The following LRRTM1 variants were observed in gnomAD, a reference collection of about 807,000 sequenced individuals.
LRRTM1 encodes leucine-rich repeat transmembrane neuronal protein 1.
Under a neutral mutation model 37.3 loss-of-function variants are expected in LRRTM1, and 8 were observed. That is an observed-to-expected ratio of 0.21 (90% confidence interval 0.13 to 0.39). The LOEUF (loss-of-function observed/expected upper bound fraction) is 0.39. Among genes scored for constraint, LRRTM1 ranks in the 10% least tolerant of loss-of-function variants. The pLI, the probability that LRRTM1 is intolerant of heterozygous loss-of-function variation, is 1.00. For synonymous variants in LRRTM1, 326 were observed against 316.8 expected (o/e 1.03, Z -0.31); for missense variants, 557 against 691.0 (o/e 0.81, Z 2.17).
At position 80,302,225 on chromosome 2, in the gene LRRTM1, G is replaced by A. The variant is rs774272630; in HGVS notation, c.*26C>T. 26 of 1,599,560 alleles carry A rather than the reference G, an allele frequency of 1.6e-5. No individual in the cohort carries two copies. In the East Asian group the frequency reaches 3.1e-4, roughly 19 times the overall value. On this transcript the variant is annotated 3_prime_UTR_variant, in exon 2 of 2. Coordinates refer to ENST00000295057, the MANE Select transcript of LRRTM1 (RefSeq NM_178839.5). The surrounding 1 kb of genome is among the most constrained non-coding windows in gnomAD (Gnocchi z 6.4). ...CGGCTGCCCAGGCGTATTTGGTAGC[G>A]CATGGGTTGAGAGCCACTGGGACAA...
chr2:80,294,880 T>C (rs967662283), intron 2 of LRRTM1, among the ~76,000 whole-genome samples: 10 of 152,220 alleles, frequency 6.6e-5, no homozygotes, highest in African/African-American at 1.7e-4. Flanking sequence ...CAACATTACA[T>C]TGAGAACAGA....
In LRRTM1 at chr2:80,304,209, A is replaced by C; in HGVS notation, c.-117T>G. The C allele has an allele frequency of 6.0e-6, 1 of 166,248 alleles. No homozygotes were observed. The allele number at this position is 166,248 out of a possible 1,614,324, so 10.3% of individuals were successfully genotyped here. A position where few individuals can be genotyped will look rare whatever the true frequency, so the allele number is the denominator to read the frequency against. On this transcript the variant is annotated 5_prime_UTR_variant, in exon 1 of 2. Coordinates refer to ENST00000295057, the MANE Select transcript of LRRTM1 (RefSeq NM_178839.5). Reference sequence around the variant, plus strand: ...TGCTCCCTTTGTGTGCAGGCTAATTATATGCAGGGCGAGAGAAGACCCCTC... The same window carrying C: ...TGCTCCCTTTGTGTGCAGGCTAATTCTATGCAGGGCGAGAGAAGACCCCTC...
chr2:80,302,991 C>G lies in LRRTM1; in HGVS notation c.829G>C (p.Glu277Gln). Reference protein sequence around the residue: ...EIEYMEPHVFETVPHLQSLQL... With the variant: ...EIEYMEPHVFQTVPHLQSLQL... Reference sequence around the variant, plus strand: ...AGGGACTGCAGGTGCGGCACGGTCTCGAACACATGGGGCTCCATGTACTCG... The same window carrying G: ...AGGGACTGCAGGTGCGGCACGGTCTGGAACACATGGGGCTCCATGTACTCG... Residue 277 changes from glutamate (E) to glutamine (Q), a missense_variant, in exon 2 of 2, where the codon GAG (glutamate) becomes CAG (glutamine). By Grantham distance (29) the Glu-to-Gln change is conservative. Transcript: ENST00000295057. The surrounding 1 kb of genome is among the most constrained non-coding windows in gnomAD (Gnocchi z 6.4). 3 of 1,613,274 alleles carry G rather than the reference C, an allele frequency of 1.9e-6. No homozygotes were observed. The highest frequency in any genetic ancestry group is 2.2e-5 in the South Asian group (2 of 91,022).
chr2:80,303,034 G>A lies in LRRTM1; in HGVS notation c.786C>T (p.Asp262=). The A allele has an allele frequency of 1.2e-6, 2 of 1,613,842 alleles. No homozygotes were observed. Among genetic ancestry groups the A allele is most frequent in the South Asian group, 1.1e-5 (1 of 91,062 alleles). The part of the protein sequence containing the change: ...LDWVWNLEKM[D]LSGNEIEYME... ...TGTACTCGATCTCGTTGCCCGACAA[G>A]TCCATTTTCTCCAGGTTCCAAACCC... Residue 262 remains aspartate, a synonymous_variant, in exon 2 of 2, where the codon GAC becomes GAT. Transcript: ENST00000295057. This position sits in a 1 kb window ranked among gnomAD's most constrained non-coding sequence, Gnocchi z 7.7.
At chr2:80,295,291 C>T (rs930106021) in intron 2 of LRRTM1, among the ~76,000 whole-genome samples, 10 of 151,468 alleles carry the variant, frequency 6.6e-5, no homozygotes, top group African/African-American at 1.7e-4. Flanking sequence ...GTCTCATGTG[C>T]GGGTGAGTGT....
downstream of LRRTM1, among the ~76,000 whole-genome samples, chr2:80,297,072 A>T (rs1558978720): frequency 6.6e-6 from 1 of 152,216 alleles, no homozygotes; most frequent in Non-Finnish European, 1.5e-5. Context: ...ACCCCGGAGA[A>T]GTCTCCTCTA....
At chr2:80,295,624 A>G (rs776652552) in intron 2 of LRRTM1, among the ~76,000 whole-genome samples, 78 of 152,200 alleles carry the variant, frequency 5.1e-4, no homozygotes, top group Admixed American at 1.4e-3. Context: ...GAAGCCCCAA[A>G]CTGGAAAGGT....
At chr2:80,297,440 C>G (rs1288057169), downstream of LRRTM1, among the ~76,000 whole-genome samples, 1 of 152,158 alleles carries the variant, frequency 6.6e-6, no homozygotes, top group Non-Finnish European at 1.5e-5. Flanking sequence ...GATAAAGGCA[C>G]CATACCAGCG....
downstream of LRRTM1, among the ~76,000 whole-genome samples, chr2:80,300,351 G>A (rs183433707): frequency 3.4e-5 from 5 of 146,820 alleles, no homozygotes; most frequent in East Asian, 1.0e-3. Flanking sequence ...TGTCTCCCAG[G>A]GCTTAACATC....
At chr2:80,290,845 A>G (rs1675177273) in intron 2 of LRRTM1, among the ~76,000 whole-genome samples, 1 of 152,156 alleles carries the variant, frequency 6.6e-6, no homozygotes, top group Non-Finnish European at 1.5e-5. Context: ...AGGGAAAGAA[A>G]AAATGAAGGG....
Position 80,288,903 on chromosome 2 carries a change from T to C in LRRTM1, c.*599A>G, listed in dbSNP as rs545484624. On this transcript the variant is annotated 3_prime_UTR_variant and NMD_transcript_variant, in exon 3 of 3. Coordinates refer to the LRRTM1 transcript ENST00000417012. ...TCGCTGCTGAATGTGTTGCTGGATTTTGCTGCAGTTCAGTGCTGCTTGGCT... is the reference window on the plus strand; with the variant it reads ...TCGCTGCTGAATGTGTTGCTGGATTCTGCTGCAGTTCAGTGCTGCTTGGCT... 11 of 152,346 alleles carry C rather than the reference T, an allele frequency of 7.2e-5. No homozygotes were observed. The East Asian group carries it at 2.1e-3, about 29-fold the overall frequency. The allele number at this position is 152,346 out of a possible 1,614,324, so 9.4% of individuals were successfully genotyped here. A position where few individuals can be genotyped will look rare whatever the true frequency, so the allele number is the denominator to read the frequency against.
chr2:80,301,737 T>C (rs1159924013), downstream of LRRTM1: 1 of 152,492 alleles, frequency 6.6e-6, no homozygotes, highest in African/African-American at 2.4e-5. Flanking sequence ...CTTTAAAATT[T>C]CAAATTGAAT....
Position 80,302,915 on chromosome 2 carries a change from G to C in LRRTM1, c.905C>G (p.Ser302Cys), listed in dbSNP as rs753683501. The C allele has an allele frequency of 6.2e-7, 1 of 1,614,136 alleles. No homozygotes were observed. The highest frequency in any genetic ancestry group is 8.5e-7 in the Non-Finnish European group (1 of 1,180,028). ...GGTGATGCTTGTCAGGGACTTCCAA[G>C]AGTTGAGGATCCGGGGCTCGATGTA... ...LTYIEPRILN[S>C]WKSLTSITLA... Residue 302 changes from serine (S) to cysteine (C), a missense_variant, in exon 2 of 2, where the codon TCT becomes TGT. This residue lies in a region of LRRTM1 where 200 missense variants were observed against 249.9 expected (regional missense o/e 0.80). Coordinates refer to ENST00000295057, the MANE Select transcript of LRRTM1 (RefSeq NM_178839.5). The surrounding 1 kb of genome is among the most constrained non-coding windows in gnomAD (Gnocchi z 6.4).
chr2:80,301,955 CT>C lies in LRRTM1; in HGVS notation c.*295del, dbSNP rs1676362108. 3.5e-6 allele frequency: 1 copy of C among 284,974 alleles called. No homozygotes were observed. Among genetic ancestry groups the C allele is most frequent in the Admixed American group, 4.9e-5 (1 of 20,222 alleles). The allele number at this position is 284,974 out of a possible 1,614,324, so 17.7% of individuals were successfully genotyped here. The stretch of plus-strand genomic sequence containing the variant: ...ATCAATGATTGGTACCTTTTTTACA[CT>C]CTCAGATTCCTGAATATGGACAGAT... On this transcript the variant is annotated 3_prime_UTR_variant, in exon 2 of 2. Transcript: ENST00000295057.
intron 2 of LRRTM1, among the ~76,000 whole-genome samples, chr2:80,291,325 G>A (rs115738921): frequency 0.011 from 1,720 of 152,244 alleles, 40 homozygotes; most frequent in African/African-American, 0.039. Flanking sequence ...AGAACTAGAA[G>A]GAAAGCCAGA....
rs1676425159 is a variant in LRRTM1, at chr2:80,302,522, A to G, written c.1298T>C (p.Met433Thr). Residue 433 changes from methionine (M) to threonine (T), a missense_variant, in exon 2 of 2, where the codon ATG becomes ACG. Met to Thr is a moderately conservative substitution (Grantham distance 81). Coordinates refer to ENST00000295057, the MANE Select transcript of LRRTM1 (RefSeq NM_178839.5). The surrounding 1 kb of genome is among the most constrained non-coding windows in gnomAD (Gnocchi z 6.4). ...VQIHKVVTGT[M>T]ALIFSFLIVV... ...GATGAGGAAGGAGAAGATGAGGGCC[A>G]TGGTGCCCGTGACCACCTTGTGGAT... is the stretch of plus-strand genomic sequence containing the variant. 6.2e-7 allele frequency: 1 copy of G among 1,612,144 alleles called. No homozygotes were observed. Among genetic ancestry groups the G allele is most frequent in the Non-Finnish European group, 8.5e-7 (1 of 1,179,946 alleles).
At chr2:80,289,272 G>C (rs1022824808) in intron 2 of LRRTM1, 1 of 152,158 alleles carries the variant, frequency 6.6e-6, no homozygotes, top group Non-Finnish European at 1.5e-5. Context: ...AGCATCTGTA[G>C]TGGCTAAGGG....
At chr2:80,288,573 C>T (rs1458768609) in exon 3 of LRRTM1, 1 of 152,128 alleles carries the variant, frequency 6.6e-6, no homozygotes, top group Non-Finnish European at 1.5e-5. Context: ...CCTAAAAACC[C>T]CACCACACAT....
exon 3 of LRRTM1, chr2:80,288,956 G>A (rs1178078818): frequency 6.6e-6 from 1 of 152,122 alleles, no homozygotes; most frequent in Admixed American, 6.6e-5. Flanking sequence ...TGTTTCTCAT[G>A]GGCCGACAGA....
Sources: allele counts gnomAD v4.1 joint callset (sites outside exome capture counted in the v4.1 genomes callset), GRCh38; gene constraint gnomAD v4.1.1; regional missense constraint gnomAD v4.1.1; non-coding constraint Gnocchi (gnomAD v3.1); transcripts MANE v1.5; gene names NCBI Gene and HGNC (gene_info 2026-07-23, HGNC 2026-07-21).